The following TMEM255A variants were observed in gnomAD, a reference collection of about 807,000 sequenced individuals.
The protein encoded by TMEM255A is family with sequence similarity 70, member A.
Under a neutral mutation model 23.5 loss-of-function variants are expected in TMEM255A, and 14 were observed. The observed-to-expected ratio is 0.60, with a 90% CI of 0.39 to 0.93. The LOEUF (loss-of-function observed/expected upper bound fraction) is 0.93. Among genes scored for constraint, TMEM255A ranks in the 40% least tolerant of loss-of-function variants. TMEM255A has a pLI of 0.00. For missense variants in TMEM255A, 233 were observed against 261.7 expected (o/e 0.89, Z 0.76); for synonymous variants, 104 against 100.3 (o/e 1.04, Z -0.22).
intron 8 of TMEM255A, among the ~76,000 whole-genome samples, chrX:120,263,113 C>A (rs1476314898): frequency 2.7e-5 from 3 of 111,518 alleles, no homozygotes; most frequent in African/African-American, 9.8e-5. Context: ...TGGCTGCAGT[C>A]CACACACCCT....
At chrX:120,270,937 T>C in intron 7 of TMEM255A, among the ~76,000 whole-genome samples, 1 of 111,522 alleles carries the variant, frequency 9.0e-6, no homozygotes, top group Non-Finnish European at 1.9e-5. Flanking sequence ...CACCATGGTC[T>C]TATTTTAATA....
At chrX:120,283,159 G>T (rs1015151666) in intron 6 of TMEM255A, among the ~76,000 whole-genome samples, 3 of 111,354 alleles carry the variant, frequency 2.7e-5, no homozygotes, top group African/African-American at 9.8e-5. Context: ...GATCATTTTT[G>T]TAAGGATGGG....
chrX:120,271,057 T>C (rs2057756694), intron 7 of TMEM255A, among the ~76,000 whole-genome samples: 1 of 111,662 alleles, frequency 9.0e-6, no homozygotes, highest in African/African-American at 3.3e-5. Flanking sequence ...TCATTTTTTT[T>C]CTGCCCTGGT....
At chrX:120,292,278 G>A (rs1186246387) in intron 3 of TMEM255A, among the ~76,000 whole-genome samples, 2 of 111,983 alleles carry the variant, frequency 1.8e-5, no homozygotes, top group Non-Finnish European at 3.8e-5. Context: ...ACAACCAAAT[G>A]TGGGGGAAAA....
At position 120,260,856 on chromosome X, in the gene TMEM255A, G is replaced by A; in HGVS notation, c.*14C>T. The A allele has an allele frequency of 8.3e-7, 1 of 1,204,056 alleles. No individual in the cohort carries two copies. On this transcript the variant is annotated 3_prime_UTR_variant, in exon 9 of 9. Transcript: ENST00000371369. Reference sequence around the variant, plus strand: ...AAAGCCACAATAATCTCAATAGCCAGCAGGCATTCCTCTTTAGGGACTGTA... The same window carrying A: ...AAAGCCACAATAATCTCAATAGCCAACAGGCATTCCTCTTTAGGGACTGTA...
At chrX:120,276,459 A>T (rs2057799244) in intron 7 of TMEM255A, among the ~76,000 whole-genome samples, 1 of 112,210 alleles carries the variant, frequency 8.9e-6, no homozygotes, top group Non-Finnish European at 1.9e-5. Context: ...ATACCTGGGG[A>T]GGGGAAGACT....
At chrX:120,307,041 G>A (rs1386990314) in intron 1 of TMEM255A, among the ~76,000 whole-genome samples, 3 of 111,936 alleles carry the variant, frequency 2.7e-5, no homozygotes, top group South Asian at 3.7e-4. Context: ...CCTCACGAGC[G>A]TCCTTCCCTG....
At position 120,276,814 on chromosome X, in the gene TMEM255A, C is replaced by T. The variant is rs1447455888; in HGVS notation, c.675+71G>A. 35 of 1,075,371 alleles carry T rather than the reference C, an allele frequency of 3.3e-5. No individual in the cohort carries two copies. The East Asian group carries it at 3.7e-4, about 12-fold the overall frequency. The allele number at this position is 1,075,371 out of a possible 1,213,427, so 88.6% of individuals were successfully genotyped here. On this transcript the variant is annotated intron_variant, in intron 7 of 8. Coordinates refer to ENST00000371369, the MANE Select transcript of TMEM255A (RefSeq NM_001104544.3). Reference sequence around the variant, plus strand: ...CTTCAAAATATGTGTCTGCATTTCCCCCAACTGCCTAGCCTTCCCCCTATG... The same window carrying T: ...CTTCAAAATATGTGTCTGCATTTCCTCCAACTGCCTAGCCTTCCCCCTATG...
chrX:120,311,062 G>T (rs1556028259), intron 1 of TMEM255A, among the ~76,000 whole-genome samples, 190 bp downstream of exon 1: 3 of 110,797 alleles, frequency 2.7e-5, no homozygotes, highest in Non-Finnish European at 3.8e-5. Flanking sequence ...TCCGCACGTC[G>T]CTCCCGCTGC....
chrX:120,291,290 A>G lies in TMEM255A; in HGVS notation c.315T>C (p.Cys105=). The part of the protein sequence containing the change: ...FISFGVIAAF[C]CAIVDGVFAA... ...CAAAGACCCCGTCAACTATGGCACA[A>G]CAAAAAGCCGCAATCACACCAAAGC... Residue 105 remains cysteine (C), a synonymous_variant, in exon 4 of 9, where the codon TGT becomes TGC. Coordinates refer to ENST00000371369, the MANE Select transcript of TMEM255A (RefSeq NM_001104544.3). 1 of 1,209,884 alleles carries G rather than the reference A, an allele frequency of 8.3e-7. No homozygotes were observed. Among genetic ancestry groups the G allele is most frequent in the Non-Finnish European group, 1.1e-6 (1 of 894,453 alleles).
intron 2 of TMEM255A, among the ~76,000 whole-genome samples, chrX:120,295,377 G>A (rs1307872546): frequency 9.0e-6 from 1 of 110,836 alleles, no homozygotes; most frequent in Non-Finnish European, 1.9e-5. Context: ...GAGCTTGGTA[G>A]GGCAGTGTAG....
At chrX:120,310,022 G>C (rs2058089090) in intron 1 of TMEM255A, 1 of 111,044 alleles carries the variant, frequency 9.0e-6, no homozygotes, top group African/African-American at 3.3e-5. Flanking sequence ...AGTCTTCTGC[G>C]GGCAGTAGGG....
chrX:120,262,783 A>G (rs1335544303), intron 8 of TMEM255A, among the ~76,000 whole-genome samples: 1 of 111,617 alleles, frequency 9.0e-6, no homozygotes, highest in Non-Finnish European at 1.9e-5. Flanking sequence ...AAATCCCACT[A>G]CAGAGATGAC....
intron 2 of TMEM255A, among the ~76,000 whole-genome samples, chrX:120,299,959 A>G (rs995835632): frequency 8.9e-6 from 1 of 111,948 alleles, no homozygotes; most frequent in Admixed American, 9.5e-5. Context: ...ATGATTTTCA[A>G]TTAACTGACT....
chrX:120,291,449 C>T (rs566887334), intron 3 of TMEM255A, 109 bp from the exon 4 acceptor site: 1 of 622,699 alleles, frequency 1.6e-6, no homozygotes, highest in Non-Finnish European at 2.5e-6. Context: ...TCTAGCCTAC[C>T]ACCCCATGGG....
In TMEM255A at chrX:120,311,256, G is replaced by A. The variant is rs1369797635; in HGVS notation, c.54C>T (p.Ser18=). Residue 18 remains serine, a synonymous_variant, in exon 1 of 9, where the codon TCC becomes TCT. Coordinates refer to ENST00000371369, the MANE Select transcript of TMEM255A (RefSeq NM_001104544.3). ...QRSSDMSLPD[S]MGAFNRRKRN... ...AGGAAGGGCCGCTAGACTTACCCAT[G>A]GAATCGGGCAGGGACATGTCGCTGG... 1.7e-6 allele frequency: 2 copies of A among 1,181,545 alleles called. No homozygotes were observed. Among genetic ancestry groups the A allele is most frequent in the African/African-American group, 1.8e-5 (1 of 56,646 alleles).
rs1055421447 is a variant in TMEM255A, at chrX:120,271,210, T to C, written c.676-2823A>G. On this transcript the variant is annotated intron_variant, in intron 7 of 8. Coordinates refer to ENST00000371369, the MANE Select transcript of TMEM255A (RefSeq NM_001104544.3). ...TAAATCAACTAAACAAAGGAGGTAA[T>C]ATATGTTAAAACACTCATAGAACCA... Among the ~76,000 whole-genome samples the C allele has an allele frequency of 7.1e-5, 8 of 112,096 alleles. No homozygotes were observed. The East Asian group carries it at 2.2e-3, about 31-fold the overall frequency.
intron 8 of TMEM255A, among the ~76,000 whole-genome samples, chrX:120,261,255 C>A (rs1556016649): frequency 8.9e-6 from 1 of 111,767 alleles, no homozygotes; most frequent in Admixed American, 9.5e-5. Flanking sequence ...CCCCTTGCAG[C>A]CCACATCCAA....
intron 3 of TMEM255A, among the ~76,000 whole-genome samples, chrX:120,291,930 C>T (rs1171015694): frequency 9.0e-6 from 1 of 110,952 alleles, no homozygotes; most frequent in Non-Finnish European, 1.9e-5. Context: ...ACAGGACATT[C>T]AACTTAAGAC....
Sources: gnomAD v4.1 joint callset for allele counts (sites outside exome capture counted in the v4.1 genomes callset) on GRCh38, gnomAD v4.1.1 for gene constraint, MANE v1.5 for transcripts, NCBI Gene and HGNC (gene_info 2026-07-23, HGNC 2026-07-21) for gene names.